The following OVCH2 variants were observed in gnomAD, a reference collection of about 807,000 sequenced individuals.
OVCH2 encodes ovochymase-2.
OVCH2 carries 88 observed loss-of-function variants against 73.7 expected under a neutral mutation model. The observed-to-expected ratio is 1.19, with a 90% CI of 1.01 to 1.43. The LOEUF (loss-of-function observed/expected upper bound fraction) is 1.43, where lower values mean the gene tolerates loss of function less well. Ranked by LOEUF, OVCH2 falls within the 40% of genes most tolerant of loss-of-function variation. The probability of loss-of-function intolerance (pLI) is 0.00; values close to 1 mark genes in which losing one functional copy is unlikely to be tolerated. For synonymous variants in OVCH2, 265 were observed against 234.5 expected (o/e 1.13, Z -1.19); for missense variants, 706 against 674.5 (o/e 1.05, Z -0.52).
the OVCH2 span, among the ~76,000 whole-genome samples, chr11:7,681,840 A>C: frequency 2.4e-5 from 3 of 124,910 alleles, no homozygotes; most frequent in Admixed American, 2.5e-4. Flanking sequence ...GACGGGGAGA[A>C]GGGGGAAATG....
In OVCH2 at chr11:7,695,640, G is replaced by A. The variant is rs777768595; in HGVS notation, c.1212C>T (p.Val404=). ...CAGCTGCATTATCTGTGGCATCAGA[G>A]ACGAATTTCAGCCTTAGAGAATTAG... is the stretch of plus-strand genomic sequence containing the variant. ...IGSNSLRLKF[V]SDATDNAAGF... is the part of the protein sequence containing the mutation. The change falls in exon 11 of 16, where the codon GTC becomes GTT. Residue 404 remains valine, a synonymous_variant. Coordinates refer to ENST00000533663, the MANE Select transcript of OVCH2 (RefSeq NM_198185.7). The A allele has an allele frequency of 1.2e-6, 2 of 1,609,366 alleles. No homozygotes were observed. The highest frequency in any genetic ancestry group is 1.7e-6 in the Non-Finnish European group (2 of 1,179,772).
chr11:7,694,625 TTGTTTTG>T lies in OVCH2; in HGVS notation c.1413+426_1413+432del, dbSNP rs199641730. Among the ~76,000 whole-genome samples the T allele has an allele frequency of 2.6e-3, 69 of 26,366 alleles. No individual in the cohort carries two copies. In the East Asian group the frequency reaches 0.036, roughly 14 times the overall value. 17.3% of individuals were successfully genotyped at this position (26,366 alleles called of 152,430 possible). A position where few individuals can be genotyped will look rare whatever the true frequency, so the allele number is the denominator to read the frequency against. On this transcript the variant is annotated intron_variant, in intron 12 of 15. Coordinates refer to ENST00000533663, the MANE Select transcript of OVCH2 (RefSeq NM_198185.7). ...CACAAAGTTTTTGTTTTGTTTTGTT[TTGTTTTG>T]TGTTTTGAGAGTTTCGCTCTTGTAG...
At chr11:7,705,142 T>A (rs1329754393) in intron 1 of OVCH2, 2 of 152,494 alleles carry the variant, frequency 1.3e-5, no homozygotes, top group Non-Finnish European at 2.9e-5. Context: ...TAGCCTTGCT[T>A]CATAATCACC....
In OVCH2 at chr11:7,702,271, G is replaced by T; in HGVS notation, c.349C>A (p.Pro117Thr). 6.2e-7 allele frequency: 1 copy of T among 1,611,704 alleles called. No homozygotes were observed. Among genetic ancestry groups the T allele is most frequent in the Non-Finnish European group, 8.5e-7 (1 of 1,178,998 alleles). ...AGEYDLSQTDPGEQTLTIETV... is the reference protein window; with the variant it reads ...AGEYDLSQTDTGEQTLTIETV... Reference sequence around the variant, plus strand: ...TCAATAGTGAGAGTTTGCTCTCCTGGGTCTGTCTGGCTTAAGTCATACTCT... The same window carrying T: ...TCAATAGTGAGAGTTTGCTCTCCTGTGTCTGTCTGGCTTAAGTCATACTCT... The change falls in exon 4 of 16, where the codon CCA becomes ACA. Residue 117 changes from proline (P) to threonine (T), a missense_variant. Physicochemically the swap from Pro to Thr is conservative, Grantham distance 38. Transcript: ENST00000533663.
At chr11:7,693,737 T>G (rs192337851) in intron 12 of OVCH2, among the ~76,000 whole-genome samples, 2 of 152,332 alleles carry the variant, frequency 1.3e-5, no homozygotes, top group African/African-American at 4.8e-5. Flanking sequence ...GTATCATCTT[T>G]TCCCACTCAT....
chr11:7,704,531 C>T, intron 2 of OVCH2, 34 bp downstream of exon 2: 1 of 1,396,966 alleles, frequency 7.2e-7, no homozygotes, highest in South Asian at 1.2e-5. Context: ...ATATCTAGCA[C>T]AGTTCTTGAT....
chr11:7,702,078 T>C (rs1295304429), intron 4 of OVCH2, 79 bp downstream of exon 4: 10 of 1,287,052 alleles, frequency 7.8e-6, no homozygotes, highest in Non-Finnish European at 1.1e-5. Context: ...CCAGAACGTA[T>C]ACTGCAGGAA....
Position 7,701,425 on chromosome 11 carries a change from A to G in OVCH2, c.610T>C (p.Trp204Arg). The change falls in exon 6 of 16, where the codon TGG becomes CGG. Residue 204 changes from tryptophan to arginine, a missense_variant. By Grantham distance (101) the Trp-to-Arg change is moderately radical (BLOSUM62 -3). Coordinates refer to ENST00000533663, the MANE Select transcript of OVCH2 (RefSeq NM_198185.7). ...LQEVNLPILTWEECVAALLTL... is the reference protein window; with the variant it reads ...LQEVNLPILTREECVAALLTL... ...AACAGAGCTGCCACACACTCTTCCC[A>G]GGTCAAAATAGGCAGATTCACTTCC... The G allele has an allele frequency of 1.2e-6, 2 of 1,612,552 alleles. No individual in the cohort carries two copies. The highest frequency in any genetic ancestry group is 1.7e-6 in the Non-Finnish European group (2 of 1,179,408).
At chr11:7,689,686 T>C in intron 15 of OVCH2, 84 bp from the exon 16 acceptor site, 1 of 599,652 alleles carries the variant, frequency 1.7e-6, no homozygotes, top group Non-Finnish European at 3.1e-6. Context: ...TGCTTCCAAT[T>C]TTCTCCTTTT....
Position 7,689,466 on chromosome 11 carries a change from CAT to C in OVCH2, c.*166_*167del, listed in dbSNP as rs1439259420. 3.0e-6 allele frequency: 1 copy of C among 328,956 alleles called. No individual in the cohort carries two copies. The highest frequency in any genetic ancestry group is 7.8e-5 in the East Asian group (1 of 12,882). The allele number at this position is 328,956 out of a possible 1,614,324, so 20.4% of individuals were successfully genotyped here. On this transcript the variant is annotated 3_prime_UTR_variant, in exon 16 of 16. Coordinates refer to ENST00000533663, the MANE Select transcript of OVCH2 (RefSeq NM_198185.7). ...TTAGAACAACAGAAATTTATTGTCT[CAT>C]AGTTCTGGAGGCTAGAAGTCCAAGA...
At chr11:7,679,017 G>A in the OVCH2 span, among the ~76,000 whole-genome samples, 3 of 152,172 alleles carry the variant, frequency 2.0e-5, no homozygotes, top group African/African-American at 7.2e-5. Flanking sequence ...TTCATTAAGT[G>A]TTTAATCTTG....
intron 6 of OVCH2, among the ~76,000 whole-genome samples, chr11:7,701,089 G>GC (rs1336802883): frequency 1.3e-5 from 2 of 152,028 alleles, no homozygotes; most frequent in Non-Finnish European, 2.9e-5. Flanking sequence ...TCTTCCTGCA[G>GC]CCCCTCACCT....
chr11:7,692,973 T>A (rs1433251057), intron 12 of OVCH2, among the ~76,000 whole-genome samples: 1 of 152,216 alleles, frequency 6.6e-6, no homozygotes, highest in Non-Finnish European at 1.5e-5. Context: ...TTTTCTTCTC[T>A]TGTATCATTC....
At chr11:7,700,641 A>G (rs905427484) in intron 6 of OVCH2, among the ~76,000 whole-genome samples, 156 bp from the exon 7 acceptor site, 2 of 152,130 alleles carry the variant, frequency 1.3e-5, no homozygotes, top group Non-Finnish European at 2.9e-5. Context: ...TCCCAGCACA[A>G]TTCCCATATG....
At chr11:7,685,080 A>C (rs1394050068), downstream of OVCH2, among the ~76,000 whole-genome samples, 1 of 152,212 alleles carries the variant, frequency 6.6e-6, no homozygotes, top group Non-Finnish European at 1.5e-5. Context: ...ATTCTTTCTC[A>C]CTTGACCAAG....
the OVCH2 span, among the ~76,000 whole-genome samples, chr11:7,679,707 G>A: frequency 1.3e-5 from 2 of 152,224 alleles, no homozygotes; most frequent in Admixed American, 1.3e-4. Flanking sequence ...TCTCAGGGAT[G>A]TTCTTTGTAG....
At chr11:7,688,087 C>A (rs1161939244), downstream of OVCH2, among the ~76,000 whole-genome samples, 1 of 152,192 alleles carries the variant, frequency 6.6e-6, no homozygotes, top group Admixed American at 6.5e-5. Context: ...AAAACCTAAT[C>A]TCTCTCTCCA....
chr11:7,695,201 A>C lies in OVCH2; in HGVS notation c.1283-13T>G. ...CTGCAACCTGAATCTGAAACGTAAG[A>C]AAAAGTCCAAACAGATGGCACCATT... is the stretch of plus-strand genomic sequence containing the variant. On this transcript the variant is annotated splice_polypyrimidine_tract_variant and intron_variant, in intron 11 of 15. Transcript: ENST00000533663. 1 of 1,551,750 alleles carries C rather than the reference A, an allele frequency of 6.4e-7. No homozygotes were observed. Among genetic ancestry groups the C allele is most frequent in the Non-Finnish European group, 8.7e-7 (1 of 1,150,014 alleles).
chr11:7,686,707 A>G (rs1466677283), downstream of OVCH2, among the ~76,000 whole-genome samples: 1 of 152,266 alleles, frequency 6.6e-6, no homozygotes, highest in Non-Finnish European at 1.5e-5. Flanking sequence ...CTTACTTCGT[A>G]TCAGAGAGTA....
Sources: gnomAD v4.1 joint callset for allele counts (sites outside exome capture counted in the v4.1 genomes callset) on GRCh38, gnomAD v4.1.1 for gene constraint, MANE v1.5 for transcripts, NCBI Gene and HGNC (gene_info 2026-07-23, HGNC 2026-07-21) for gene names.